The following FUT8 variants were observed in gnomAD, a reference collection of about 807,000 sequenced individuals.
The protein encoded by FUT8 is fucosyltransferase 8, also known as alpha-(1,6)-fucosyltransferase.
A neutral mutation model predicts 71.3 loss-of-function variants in FUT8; 29 were observed. The observed-to-expected ratio is 0.41, with a 90% CI of 0.30 to 0.55. The LOEUF (loss-of-function observed/expected upper bound fraction) is 0.55, where lower values mean the gene tolerates loss of function less well. Ranked by LOEUF, FUT8 falls within the 20% of genes least tolerant of loss-of-function variation. FUT8 has a pLI of 0.34. For missense variants in FUT8, 544 were observed against 702.1 expected (o/e 0.77, Z 2.55); for synonymous variants, 254 against 239.3 (o/e 1.06, Z -0.57).
the FUT8 span, among the ~76,000 whole-genome samples, chr14:65,378,155 T>C: frequency 6.6e-6 from 1 of 152,174 alleles, no homozygotes; most frequent in African/African-American, 2.4e-5. Context: ...TGGAGCCAGC[T>C]GTATGAAAGA....
At position 65,574,202 on chromosome 14, in the gene FUT8, A is replaced by T. The variant is rs1191400372; in HGVS notation, c.203+12436A>T. 6.6e-6 allele frequency among the ~76,000 whole-genome samples: 1 copy of T among 152,182 alleles called. No individual in the cohort carries two copies. Among genetic ancestry groups the T allele is most frequent in the East Asian group, 1.9e-4 (1 of 5,194 alleles). ...TGGACCTCTCCAGAGGGCAGCTCAC[A>T]CCATAGCTTGCTTCATCAAAACCAG... On this transcript the variant is annotated intron_variant, in intron 3 of 10. Coordinates refer to ENST00000673929, the MANE Select transcript of FUT8 (RefSeq NM_001371533.1). This position sits in a 1 kb window ranked among gnomAD's most constrained non-coding sequence, Gnocchi z 5.2.
chr14:65,646,251 G>T (rs898932347), intron 6 of FUT8: 2 of 152,060 alleles, frequency 1.3e-5, no homozygotes, highest in Non-Finnish European at 2.9e-5. Flanking sequence ...AGTTCCTAAG[G>T]GGTTCTCAGT....
chr14:65,400,940 G>A, the FUT8 span, among the ~76,000 whole-genome samples: 1,394 of 152,202 alleles, frequency 9.2e-3, 6 homozygotes, highest in Non-Finnish European at 0.013. Context: ...TTATCATACC[G>A]CTTTCACCTT....
chr14:65,601,648 C>T (rs751765608), intron 3 of FUT8, among the ~76,000 whole-genome samples: 3 of 151,960 alleles, frequency 2.0e-5, no homozygotes, highest in Non-Finnish European at 2.9e-5. Context: ...TGATAGGCAA[C>T]GGTGTTGGTT....
At chr14:65,610,837 C>A (rs774588958) in intron 3 of FUT8, among the ~76,000 whole-genome samples, 2 of 151,742 alleles carry the variant, frequency 1.3e-5, no homozygotes, top group Non-Finnish European at 2.9e-5. Context: ...TAATGCTAAG[C>A]CAATCTTGGA....
intron 6 of FUT8, among the ~76,000 whole-genome samples, chr14:65,635,692 A>G (rs1303202399): frequency 6.6e-6 from 1 of 152,146 alleles, no homozygotes; most frequent in Non-Finnish European, 1.5e-5. Flanking sequence ...ACCCACTTGA[A>G]CATGGTGGAT....
rs139402475 is a variant in FUT8, at chr14:65,430,674, T to A, written c.-326+17460T>A. The stretch of plus-strand genomic sequence containing the variant: ...GTGTAATCAAATACTACTTTGATAT[T>A]TGTACAGAGCATGAGAGCAAGACTA... On this transcript the variant is annotated intron_variant, in intron 1 of 10. Transcript: ENST00000673929. Among the ~76,000 whole-genome samples the A allele has an allele frequency of 7.2e-3, 1,097 of 152,328 alleles. 12 individuals are homozygous for A. The highest frequency in any genetic ancestry group is 0.024 in the African/African-American group (995 of 41,560).
chr14:65,653,625 A>T (rs187760195), intron 6 of FUT8, among the ~76,000 whole-genome samples: 34 of 152,354 alleles, frequency 2.2e-4, no homozygotes, highest in African/African-American at 7.7e-4. Context: ...AGAGAGAAGC[A>T]GCGCATTAAT....
intron 3 of FUT8, among the ~76,000 whole-genome samples, chr14:65,600,471 G>T (rs1437868133): frequency 6.6e-6 from 1 of 152,184 alleles, no homozygotes; most frequent in Non-Finnish European, 1.5e-5. Flanking sequence ...TAGCGGGATA[G>T]AGTGACAAAT....
chr14:65,395,372 G>A, the FUT8 span, among the ~76,000 whole-genome samples: 2 of 152,226 alleles, frequency 1.3e-5, no homozygotes, highest in East Asian at 3.9e-4. Flanking sequence ...CCCTAGCAGA[G>A]GTTCTCCATG....
chr14:65,687,197 C>A (rs1893333200), intron 7 of FUT8, among the ~76,000 whole-genome samples: 1 of 152,070 alleles, frequency 6.6e-6, no homozygotes, highest in African/African-American at 2.4e-5. Flanking sequence ...AAAGAGAAAA[C>A]CTTTTCCCAT....
intron 7 of FUT8, among the ~76,000 whole-genome samples, chr14:65,671,913 T>C (rs1892495643): frequency 2.6e-5 from 4 of 152,234 alleles, no homozygotes; most frequent in Admixed American, 2.6e-4. Flanking sequence ...TCTGTTGTCA[T>C]TCTGAGTTGT....
intron 7 of FUT8, among the ~76,000 whole-genome samples, chr14:65,691,597 C>CTTTATTTA (rs371503595): frequency 6.9e-4 from 105 of 151,624 alleles, no homozygotes; most frequent in African/African-American, 2.3e-3. Flanking sequence ...GTGTATAATT[C>CTTTATTTA]TTTATTTATT....
chr14:65,464,268 T>C (rs2066009178), intron 2 of FUT8, among the ~76,000 whole-genome samples: 1 of 150,772 alleles, frequency 6.6e-6, no homozygotes, highest in South Asian at 2.1e-4. Flanking sequence ...GGTTTTTTTT[T>C]TTTTTTTTTT....
Position 65,423,598 on chromosome 14 carries a change from G to A in FUT8, c.-326+10384G>A, listed in dbSNP as rs542459339. Among the ~76,000 whole-genome samples the A allele has an allele frequency of 1.5e-4, 23 of 152,266 alleles. No homozygotes were observed. The South Asian group carries it at 2.5e-3, about 16-fold the overall frequency. ...TTTTCTTAATGTCATCTGGAAAGTC[G>A]TCTGCTGCCTCTTGGTTGGCAGAAG... On this transcript the variant is annotated intron_variant, in intron 1 of 10. Transcript: ENST00000673929.
chr14:65,569,179 T>C (rs2140072799), intron 3 of FUT8, among the ~76,000 whole-genome samples: 1 of 151,846 alleles, frequency 6.6e-6, no homozygotes, highest in African/African-American at 2.4e-5. Flanking sequence ...TATGAGTGCC[T>C]AGATATGGCT....
intron 2 of FUT8, among the ~76,000 whole-genome samples, chr14:65,497,185 C>T (rs2066572456): frequency 6.6e-6 from 1 of 152,044 alleles, no homozygotes; most frequent in South Asian, 2.1e-4. Flanking sequence ...GTTGCTATTA[C>T]TTTTTCTATA....
intron 7 of FUT8, among the ~76,000 whole-genome samples, chr14:65,673,053 G>A (rs1892545992): frequency 6.6e-6 from 1 of 152,162 alleles, no homozygotes; most frequent in African/African-American, 2.4e-5. Flanking sequence ...TATGATAAAT[G>A]TAATTGGAAA....
Position 65,523,588 on chromosome 14 carries a change from A to G in FUT8, c.-227-37749A>G, listed in dbSNP as rs549837981. On this transcript the variant is annotated intron_variant, in intron 2 of 10. Transcript: ENST00000673929. ...AAGCTCTTTAGCTTAATTAGATCCC[A>G]TTTGTCAATTTTGGCTTTTGTTGCC... Among the ~76,000 whole-genome samples the G allele has an allele frequency of 2.2e-4, 33 of 152,100 alleles. No individual in the cohort carries two copies. In the South Asian group the frequency reaches 6.6e-3, roughly 31 times the overall value.
Sources: gnomAD v4.1 joint callset for allele counts (sites outside exome capture counted in the v4.1 genomes callset) on GRCh38, gnomAD v4.1.1 for gene constraint, Gnocchi (gnomAD v3.1) non-coding constraint, MANE v1.5 for transcripts, NCBI Gene and HGNC (gene_info 2026-07-23, HGNC 2026-07-21) for gene names.